The following CAPN8 variants were observed in gnomAD, a reference collection of about 807,000 sequenced individuals.
CAPN8 encodes the protein calpain 8.
A neutral mutation model predicts 80.9 loss-of-function variants in CAPN8; 87 were observed. The observed-to-expected ratio is 1.07, with a 90% CI of 0.90 to 1.28. The LOEUF is 1.28. Among genes scored for constraint, CAPN8 ranks in the 50% most tolerant of loss-of-function variants. CAPN8 has a pLI of 0.00. For missense variants in CAPN8, 757 were observed against 702.0 expected, an observed-to-expected ratio of 1.08 and a Z score of -0.89; for synonymous variants, 299 against 273.8, an observed-to-expected ratio of 1.09 and a Z score of -0.91.
At chr1:223,611,795 A>T (rs1405611728) in intron 11 of CAPN8, among the ~76,000 whole-genome samples, 1 of 152,248 alleles carries the variant, frequency 6.6e-6, no homozygotes, top group East Asian at 1.9e-4. Context: ...GGATCAAGGC[A>T]TACACTAGAG....
At chr1:223,612,342 A>C in intron 10 of CAPN8, 85 bp from the exon 11 acceptor site, 1 of 1,193,374 alleles carries the variant, frequency 8.4e-7, no homozygotes, top group African/African-American at 1.6e-5. Flanking sequence ...ATGTCTTGCA[A>C]ACAGACTGTG....
chr1:223,614,761 G>C (rs912980093), intron 10 of CAPN8, among the ~76,000 whole-genome samples: 1 of 152,076 alleles, frequency 6.6e-6, no homozygotes, highest in Non-Finnish European at 1.5e-5. Context: ...ACAGCACCCG[G>C]CACATAATAG....
At chr1:223,550,914 C>T in intron 15 of CAPN8, 46 bp downstream of exon 15, 1 of 713,428 alleles carries the variant, frequency 1.4e-6, no homozygotes. Flanking sequence ...CACCCTGCCC[C>T]AGCATCTCCT....
chr1:223,643,320 T>C (rs1200040029), intron 2 of CAPN8, among the ~76,000 whole-genome samples: 1 of 152,228 alleles, frequency 6.6e-6, no homozygotes, highest in East Asian at 1.9e-4. Flanking sequence ...CTAGGTATCC[T>C]GAGGTTTCCA....
intron 10 of CAPN8, 138 bp downstream of exon 10, chr1:223,615,832 G>T (rs943402172): frequency 4.0e-6 from 4 of 1,004,340 alleles, no homozygotes; most frequent in Non-Finnish European, 6.1e-6. Context: ...GCCACTGGGA[G>T]AGGTATATAG....
At chr1:223,655,394 C>G (rs1164557749) in intron 1 of CAPN8, among the ~76,000 whole-genome samples, 2 of 152,160 alleles carry the variant, frequency 1.3e-5, no homozygotes, top group Non-Finnish European at 2.9e-5. Flanking sequence ...GGCACAATGA[C>G]ACATGCTTTA....
chr1:223,663,885 C>T (rs1324676827), intron 1 of CAPN8, among the ~76,000 whole-genome samples: 2 of 152,198 alleles, frequency 1.3e-5, no homozygotes, highest in Non-Finnish European at 2.9e-5. Context: ...AGAAGAAGTA[C>T]TCTCCCTTTG....
intron 1 of CAPN8, among the ~76,000 whole-genome samples, chr1:223,657,455 T>C (rs1658527850): frequency 6.6e-6 from 1 of 152,148 alleles, no homozygotes; most frequent in South Asian, 2.1e-4. Flanking sequence ...AGAATCTCTT[T>C]TCTTAAAAAC....
chr1:223,548,042 A>T (rs1656671743), intron 16 of CAPN8, among the ~76,000 whole-genome samples: 1 of 152,326 alleles, frequency 6.6e-6, no homozygotes, highest in East Asian at 1.9e-4. Flanking sequence ...TGGATCAGCC[A>T]CGCAGAGGTG....
chr1:223,618,104 C>T (rs1657255575), intron 9 of CAPN8: 1 of 921,824 alleles, frequency 1.1e-6, no homozygotes. Context: ...GCCCCATGCG[C>T]TTACAGTCTA....
At chr1:223,558,565 ATGT>A (rs1656955957) in intron 12 of CAPN8, among the ~76,000 whole-genome samples, 2 of 151,992 alleles carry the variant, frequency 1.3e-5, no homozygotes, top group Admixed American at 6.6e-5. Flanking sequence ...GTGTGCATAG[ATGT>A]TGTGTGTGCT....
At chr1:223,627,790 C>T (rs934386590) in intron 4 of CAPN8, among the ~76,000 whole-genome samples, 1 of 152,196 alleles carries the variant, frequency 6.6e-6, no homozygotes, top group African/African-American at 2.4e-5. Flanking sequence ...ACCACATACA[C>T]ATTCACCCGA....
rs1264291719 is a variant in CAPN8 at position 223,619,496 on chromosome 1, G to A, written c.975-43C>T. 7.7e-6 allele frequency: 12 copies of A among 1,549,062 alleles called. No homozygotes were observed. The East Asian group carries it at 2.7e-4, about 35-fold the overall frequency. On this transcript the variant is annotated intron_variant, in intron 8 of 20. Transcript: ENST00000366872. ...GAGGGCTCTCAGTGAAGAGGGCTGG[G>A]TTGTGATTAAAGGCACGCATACTGA...
intron 2 of CAPN8, among the ~76,000 whole-genome samples, chr1:223,630,333 A>ATTTTCT (rs1657738781): frequency 6.6e-6 from 1 of 150,624 alleles, no homozygotes; most frequent in Non-Finnish European, 1.5e-5. Context: ...ACACATACTC[A>ATTTTCT]TTTACTTTCT....
intron 11 of CAPN8, among the ~76,000 whole-genome samples, chr1:223,609,717 C>T (rs1656986104): frequency 6.6e-6 from 1 of 152,198 alleles, no homozygotes; most frequent in Admixed American, 6.5e-5. Context: ...GCAGCTGTCT[C>T]TGGGAGTGTG....
In CAPN8 at chr1:223,660,524, C is replaced by T. The variant is rs575337598; in HGVS notation, c.237+4886G>A. Among the ~76,000 whole-genome samples, 7 of 152,364 alleles carry T rather than the reference C, an allele frequency of 4.6e-5. No individual in the cohort carries two copies. In the South Asian group the frequency reaches 1.5e-3, roughly 32 times the overall value. The stretch of plus-strand genomic sequence containing the variant: ...CTTGACCTTGAGCCCTTCCTCTGGG[C>T]AAACTTGTCCTGAAACCCTTGGGAC... On this transcript the variant is annotated intron_variant, in intron 1 of 20. Coordinates refer to ENST00000366872, the MANE Select transcript of CAPN8 (RefSeq NM_001143962.2).
At chr1:223,548,177 C>T (rs1257013997) in intron 16 of CAPN8, among the ~76,000 whole-genome samples, 1 of 152,184 alleles carries the variant, frequency 6.6e-6, no homozygotes, top group Non-Finnish European at 1.5e-5. Context: ...ACAGACAGAG[C>T]TCATCATGGA....
At chr1:223,637,110 C>T (rs1392017554) in intron 2 of CAPN8, among the ~76,000 whole-genome samples, 2 of 152,192 alleles carry the variant, frequency 1.3e-5, no homozygotes, top group Non-Finnish European at 2.9e-5. Flanking sequence ...CTCAGGTCTA[C>T]CTGGATTTGA....
chr1:223,656,676 G>T (rs112467621), intron 1 of CAPN8, among the ~76,000 whole-genome samples: 28,721 of 86,938 alleles, frequency 0.33, 5,656 homozygotes, highest in Non-Finnish European at 0.37. Flanking sequence ...GGGTTTTTTT[G>T]TTTTGTTTTT....
Sources: gnomAD v4.1 joint callset for allele counts (sites outside exome capture counted in the v4.1 genomes callset) on GRCh38, gnomAD v4.1.1 for gene constraint, MANE v1.5 for transcripts, NCBI Gene and HGNC (gene_info 2026-07-23, HGNC 2026-07-21) for gene names.